Variants in C10orf143 observed in about 807,000 individuals in gnomAD.
The protein encoded by C10orf143 is uncharacterized protein C10orf143.
In C10orf143 at chr10:130,079,720, T is replaced by C; in HGVS notation, c.234+17A>G. Reference sequence around the variant, plus strand: ...TTCAACATGCTCACAAGTAGTTTGGTGGGAAGAGGAACATACCCCTGTACT... The same window carrying C: ...TTCAACATGCTCACAAGTAGTTTGGCGGGAAGAGGAACATACCCCTGTACT... On this transcript the variant is annotated intron_variant, in intron 2 of 3. Coordinates refer to ENST00000637128, the MANE Select transcript of C10orf143 (RefSeq NM_001355042.2). 2 of 398,710 alleles carry C rather than the reference T, an allele frequency of 5.0e-6. No individual in the cohort carries two copies. The highest frequency in any genetic ancestry group is 6.3e-4 in the Middle Eastern group (1 of 1,588). The allele number at this position is 398,710 out of a possible 1,614,324, so 24.7% of individuals were successfully genotyped here.
At chr10:130,083,837 G>A (rs1188328472) in intron 1 of C10orf143, among the ~76,000 whole-genome samples, 1 of 152,102 alleles carries the variant, frequency 6.6e-6, no homozygotes, top group Non-Finnish European at 1.5e-5. Flanking sequence ...AGGGAGTGTA[G>A]AGCTCTGCAT....
chr10:130,097,708 T>G (rs1861484810), intron 1 of C10orf143, among the ~76,000 whole-genome samples: 1 of 152,006 alleles, frequency 6.6e-6, no homozygotes, highest in South Asian at 2.1e-4. Flanking sequence ...ATTCACACAA[T>G]GGAATATTAT....
chr10:130,090,336 G>A (rs1209151275), intron 1 of C10orf143, among the ~76,000 whole-genome samples: 1 of 152,116 alleles, frequency 6.6e-6, no homozygotes, highest in East Asian at 1.9e-4. Flanking sequence ...CCCCAGCCAA[G>A]GGAAGCCGTG....
intron 3 of C10orf143, among the ~76,000 whole-genome samples, chr10:130,045,125 G>A (rs1421147002): frequency 6.6e-6 from 1 of 152,224 alleles, no homozygotes; most frequent in South Asian, 2.1e-4. Flanking sequence ...CATGGAGAAA[G>A]TTTAGGACCT....
rs143782686 is a variant in C10orf143, at chr10:130,041,883, A to AAC, written c.298-5915_298-5914dup. 1.8e-4 allele frequency among the ~76,000 whole-genome samples: 28 copies of AAC among 151,998 alleles called. No individual in the cohort carries two copies. The East Asian group carries it at 3.1e-3, about 17-fold the overall frequency. On this transcript the variant is annotated intron_variant and NMD_transcript_variant, in intron 3 of 5. Coordinates refer to the C10orf143 transcript ENST00000643056. ...TGCATACTCTCACATGAACACGTGT[A>AAC]ACACACACACACACACATGCACACA...
rs557422760 is a variant in C10orf143, at chr10:130,107,545, T to G, written c.69+3159A>C. 5.1e-4 allele frequency: 681 copies of G among 1,345,470 alleles called. 3 individuals are homozygous for G. The African/African-American group carries it at 8.9e-3, about 18-fold the overall frequency. 83.3% of individuals were successfully genotyped at this position (1,345,470 alleles called of 1,614,324 possible). ...AAATAAAACTTCTAAAAAAAGATCC[T>G]TATGTACTTGATGTTCCAAATACAG... On this transcript the variant is annotated intron_variant, in intron 1 of 3. Transcript: ENST00000637128.
intron 3 of C10orf143, among the ~76,000 whole-genome samples, chr10:130,037,870 T>A (rs1389009604): frequency 1.3e-5 from 2 of 152,208 alleles, no homozygotes; most frequent in African/African-American, 4.8e-5. Flanking sequence ...CTAAGCTCTT[T>A]ATACTTTTCC....
chr10:130,051,279 C>T (rs1458152272), intron 3 of C10orf143, among the ~76,000 whole-genome samples: 2 of 149,684 alleles, frequency 1.3e-5, no homozygotes, highest in African/African-American at 4.9e-5. Context: ...CCTCTCCTAC[C>T]CCCGCCTCAT....
intron 3 of C10orf143, among the ~76,000 whole-genome samples, chr10:130,041,376 A>C (rs757359958): frequency 1.6e-4 from 25 of 152,222 alleles, no homozygotes; most frequent in Non-Finnish European, 3.4e-4. Context: ...CAAGGAGGCC[A>C]TGATGGACCA....
intron 3 of C10orf143, among the ~76,000 whole-genome samples, chr10:130,058,749 C>G (rs563588863): frequency 6.6e-6 from 1 of 152,132 alleles, no homozygotes; most frequent in South Asian, 2.1e-4. Flanking sequence ...AGTCTTAATA[C>G]TGTAAAGCTA....
intron 3 of C10orf143, among the ~76,000 whole-genome samples, chr10:130,047,905 T>C (rs1387236275): frequency 6.6e-6 from 1 of 152,196 alleles, no homozygotes; most frequent in Non-Finnish European, 1.5e-5. Flanking sequence ...AGCACAGATG[T>C]GCTTCCTTTC....
At chr10:130,108,054 A>G in intron 1 of C10orf143, 1 of 1,484,234 alleles carries the variant, frequency 6.7e-7, no homozygotes, top group Non-Finnish European at 9.4e-7. Context: ...GATCTTGGTA[A>G]TTTAAATATC....
intron 3 of C10orf143, among the ~76,000 whole-genome samples, chr10:130,037,977 G>A (rs1325895295): frequency 3.9e-5 from 6 of 152,142 alleles, no homozygotes; most frequent in Non-Finnish European, 4.4e-5. Flanking sequence ...CTTTGTCTGC[G>A]AATACATTCT....
At chr10:130,105,909 C>A (rs1317153196) in intron 1 of C10orf143, 2 of 364,674 alleles carry the variant, frequency 5.5e-6, no homozygotes, top group Non-Finnish European at 1.1e-5. Context: ...TCCCCCAGCT[C>A]CCCCCCGCAG....
chr10:130,041,385 C>T (rs766199472), intron 3 of C10orf143, among the ~76,000 whole-genome samples: 3 of 152,044 alleles, frequency 2.0e-5, no homozygotes, highest in Non-Finnish European at 4.4e-5. Context: ...CATGATGGAC[C>T]AAAAAGCAGG....
chr10:130,104,807 T>A (rs984340891), intron 1 of C10orf143: 1 of 152,220 alleles, frequency 6.6e-6, no homozygotes, highest in Non-Finnish European at 1.5e-5. Context: ...AAACCTTCCC[T>A]GTTCGCTCTG....
At chr10:130,082,820 C>T (rs1221965363) in intron 1 of C10orf143, among the ~76,000 whole-genome samples, 1 of 152,130 alleles carries the variant, frequency 6.6e-6, no homozygotes, top group African/African-American at 2.4e-5. Flanking sequence ...AAGAACTATG[C>T]AATTCCTAGG....
chr10:130,038,817 G>A (rs1484023520), intron 3 of C10orf143, among the ~76,000 whole-genome samples: 1 of 152,160 alleles, frequency 6.6e-6, no homozygotes, highest in Non-Finnish European at 1.5e-5. Context: ...ATTAAGCACC[G>A]ACTGTGTATG....
At position 130,079,740 on chromosome 10, in the gene C10orf143, T is replaced by C. The variant is rs1861175104; in HGVS notation, c.231A>G (p.Thr77=). The C allele has an allele frequency of 5.0e-6, 2 of 398,688 alleles. No individual in the cohort carries two copies. Among genetic ancestry groups the C allele is most frequent in the Non-Finnish European group, 8.8e-6 (2 of 226,090 alleles). The allele number at this position is 398,688 out of a possible 1,614,324, so 24.7% of individuals were successfully genotyped here. Residue 77 remains threonine (T), a synonymous_variant, in exon 2 of 4, where the codon ACA becomes ACG. Transcript: ENST00000637128. ...RPESGQGRLS[T]GISQNGGRSS... Reference sequence around the variant, plus strand: ...TTTGGTGGGAAGAGGAACATACCCCTGTACTTAGCCTCCCCTGGCCACTCT... The same window carrying C: ...TTTGGTGGGAAGAGGAACATACCCCCGTACTTAGCCTCCCCTGGCCACTCT...
Sources: gnomAD v4.1 joint callset for allele counts (sites outside exome capture counted in the v4.1 genomes callset) on GRCh38, gnomAD v4.1.1 for gene constraint, MANE v1.5 for transcripts, NCBI Gene and HGNC (gene_info 2026-07-23, HGNC 2026-07-21) for gene names.